The following ZNF425 variants were observed in gnomAD, a reference collection of about 807,000 sequenced individuals.
ZNF425 encodes the protein zinc finger protein 425.
A neutral mutation model predicts 17.0 loss-of-function variants in ZNF425; 21 were observed. The ratio of observed to expected loss-of-function variants is 1.23; its 90% CI spans 0.88 to 1.78. The LOEUF (loss-of-function observed/expected upper bound fraction) is 1.78, where lower values mean the gene tolerates loss of function less well. Among genes scored for constraint, ZNF425 ranks in the 40% most tolerant of loss-of-function variants. The pLI, the probability that ZNF425 is intolerant of heterozygous loss-of-function variation, is 0.00. For missense variants in ZNF425, 868 were observed against 967.3 expected (o/e 0.90, Z 1.36); for synonymous variants, 433 against 384.1 (o/e 1.13, Z -1.49).
chr7:149,109,359 G>A (rs545912593), intron 3 of ZNF425, among the ~76,000 whole-genome samples: 2 of 152,136 alleles, frequency 1.3e-5, no homozygotes, highest in Non-Finnish European at 2.9e-5. Context: ...TTACAGGCAT[G>A]AGCCACGGCA....
chr7:149,108,576 AGTT>A (rs1826120523), intron 3 of ZNF425, among the ~76,000 whole-genome samples: 1 of 152,152 alleles, frequency 6.6e-6, no homozygotes, highest in Admixed American at 6.6e-5. Context: ...TAGCTACCAA[AGTT>A]GTTAACTCTT....
chr7:149,125,640 T>C (rs571725624), intron 1 of ZNF425: 2 of 166,352 alleles, frequency 1.2e-5, no homozygotes, highest in Admixed American at 6.2e-5. Context: ...GAGAAACAGA[T>C]CTTTCCCACC....
chr7:149,119,845 G>T (rs1826324568), intron 1 of ZNF425, among the ~76,000 whole-genome samples: 1 of 152,022 alleles, frequency 6.6e-6, no homozygotes, highest in South Asian at 2.1e-4. Context: ...TATTTACATA[G>T]CGTTTATATT....
At chr7:149,111,755 C>G (rs991283135) in intron 3 of ZNF425, among the ~76,000 whole-genome samples, 1 of 151,720 alleles carries the variant, frequency 6.6e-6, no homozygotes, top group Non-Finnish European at 1.5e-5. Flanking sequence ...CATTGGCTCA[C>G]CACAACCTCC....
Position 149,112,178 on chromosome 7 carries a change from T to C in ZNF425, c.263A>G (p.Glu88Gly). 1 of 1,614,172 alleles carries C rather than the reference T, an allele frequency of 6.2e-7. No individual in the cohort carries two copies. The highest frequency in any genetic ancestry group is 8.5e-7 in the Non-Finnish European group (1 of 1,180,012). Residue 88 changes from glutamate (E) to glycine (G), a missense_variant, in exon 3 of 4, where the codon GAA becomes GGA. Physicochemically the swap from Glu to Gly is moderately conservative, Grantham distance 98 (BLOSUM62 -2). Coordinates refer to ENST00000378061, the MANE Select transcript of ZNF425 (RefSeq NM_001001661.3). ...TRRTTSPPTD[E>G]QLNMKNTGKL... ...TCCAGTATTCTTCATGTTCAACTGT[T>C]CATCAGTAGGAGGGCTAGTTGTCCT...
At chr7:149,117,034 G>A (rs1402236620) in intron 2 of ZNF425, among the ~76,000 whole-genome samples, 1 of 152,046 alleles carries the variant, frequency 6.6e-6, no homozygotes, top group African/African-American at 2.4e-5. Context: ...AGGCTGAGGT[G>A]AGCAGATCAC....
chr7:149,118,249 T>G lies in ZNF425; in HGVS notation c.118A>C (p.Thr40Pro). Residue 40 changes from threonine to proline, a missense_variant, in exon 2 of 4, where the codon ACC becomes CCC. This residue lies in a region of ZNF425 where 179 missense variants were observed against 216.3 expected (regional missense o/e 0.83). Transcript: ENST00000378061. ...AGGGAATCAAGGGTCTCGTAATTGG[T>G]CTTCATCTCTTGCTTATACATTTGC... ...QKQMYKQEMKTNYETLDSLGY... is the reference protein window; with the variant it reads ...QKQMYKQEMKPNYETLDSLGY... The G allele has an allele frequency of 1.2e-6, 2 of 1,614,104 alleles. No homozygotes were observed. Among genetic ancestry groups the G allele is most frequent in the Non-Finnish European group, 1.7e-6 (2 of 1,180,038 alleles).
chr7:149,112,540 C>T (rs1052006640), intron 2 of ZNF425: 4 of 360,096 alleles, frequency 1.1e-5, no homozygotes, highest in Non-Finnish European at 2.0e-5. Context: ...GGCTGAAGTG[C>T]GAGAATCACT....
At chr7:149,120,073 C>T (rs1422014990) in intron 1 of ZNF425, among the ~76,000 whole-genome samples, 9 of 152,126 alleles carry the variant, frequency 5.9e-5, no homozygotes, top group African/African-American at 1.2e-4. Context: ...ATCACAACCA[C>T]GAATCTATTA....
In ZNF425 at chr7:149,118,244, A is replaced by C; in HGVS notation, c.123T>G (p.Asn41Lys). The change falls in exon 2 of 4, where the codon AAT (asparagine) becomes AAG (lysine). Residue 41 changes from asparagine (N) to lysine (K), a missense_variant. Around this residue, in one of 5 missense-constraint regions of ZNF425, gnomAD observed 179 missense variants for 216.3 expected, o/e 0.83. Coordinates refer to ENST00000378061, the MANE Select transcript of ZNF425 (RefSeq NM_001001661.3). Reference sequence around the variant, plus strand: ...TACCCAGGGAATCAAGGGTCTCGTAATTGGTCTTCATCTCTTGCTTATACA... The same window carrying C: ...TACCCAGGGAATCAAGGGTCTCGTACTTGGTCTTCATCTCTTGCTTATACA... ...KQMYKQEMKT[N>K]YETLDSLGYA... The C allele has an allele frequency of 6.2e-7, 1 of 1,614,078 alleles. No individual in the cohort carries two copies. The highest frequency in any genetic ancestry group is 8.5e-7 in the Non-Finnish European group (1 of 1,180,020).
Position 149,126,306 on chromosome 7 carries a change from G to A in ZNF425, c.-93C>T, listed in dbSNP as rs372295060. 35 of 1,504,126 alleles carry A rather than the reference G, an allele frequency of 2.3e-5. No homozygotes were observed. The South Asian group carries it at 3.8e-4, about 16-fold the overall frequency. 93.2% of individuals were successfully genotyped at this position (1,504,126 alleles called of 1,614,324 possible). ...AGGTACAGCCCTGCTGGCCCCCAAA[G>A]GCAGAGCCGGCCGGGCGCGGTGCAT... On this transcript the variant is annotated 5_prime_UTR_variant, in exon 1 of 4. Transcript: ENST00000378061.
intron 1 of ZNF425, among the ~76,000 whole-genome samples, chr7:149,121,871 G>A (rs1826360318): frequency 1.3e-5 from 2 of 152,068 alleles, no homozygotes; most frequent in African/African-American, 4.8e-5. Flanking sequence ...TTTTTCCCAT[G>A]AAAATATTCT....
chr7:149,114,798 AG>A (rs1187742685), intron 2 of ZNF425, among the ~76,000 whole-genome samples: 1 of 150,580 alleles, frequency 6.6e-6, no homozygotes, highest in Non-Finnish European at 1.5e-5. Flanking sequence ...AAAAAAAAAA[AG>A]AAAAGAAAAG....
At chr7:149,112,411 A>G (rs1473410229) in intron 2 of ZNF425, 116 bp from the exon 3 acceptor site, 3 of 832,824 alleles carry the variant, frequency 3.6e-6, no homozygotes, top group Non-Finnish European at 1.9e-6. Flanking sequence ...AGGCAGGCAG[A>G]TCTCTTGAGG....
At chr7:149,112,816 G>A (rs185507273) in intron 2 of ZNF425, among the ~76,000 whole-genome samples, 102 of 151,608 alleles carry the variant, frequency 6.7e-4, no homozygotes, top group African/African-American at 2.2e-3. Flanking sequence ...ATAGGCATGC[G>A]CCACCATGCC....
At chr7:149,125,873 G>T (rs1465903258) in intron 1 of ZNF425, 1 of 511,154 alleles carries the variant, frequency 2.0e-6, no homozygotes. Flanking sequence ...GAACTCAGAG[G>T]CACCGCGCGA....
intron 2 of ZNF425, among the ~76,000 whole-genome samples, chr7:149,117,252 A>G (rs1826280365): frequency 6.6e-6 from 1 of 150,556 alleles, no homozygotes; most frequent in Non-Finnish European, 1.5e-5. Context: ...CTCCGTCTCA[A>G]AAAAAAAAAA....
At chr7:149,114,931 CTTTTTT>C (rs35954198) in intron 2 of ZNF425, among the ~76,000 whole-genome samples, 3 of 101,026 alleles carry the variant, frequency 3.0e-5, no homozygotes, top group East Asian at 2.5e-4. Flanking sequence ...TCTTTCTTTT[CTTTTTT>C]TTTTTTTTTT....
chr7:149,117,642 C>CTTTTTTTTTTTTTTTTTTTTTT lies in ZNF425; in HGVS notation c.145+558_145+579dup, dbSNP rs869026303. Among the ~76,000 whole-genome samples the CTTTTTTTTTTTTTTTTTTTTTT allele has an allele frequency of 3.6e-5, 2 of 54,958 alleles. 1 individual carries two copies. The highest frequency in any genetic ancestry group is 1.5e-4 in the African/African-American group (2 of 13,100). 36.1% of individuals were successfully genotyped at this position (54,958 alleles called of 152,430 possible). A position where few individuals can be genotyped will look rare whatever the true frequency, so the allele number is the denominator to read the frequency against. On this transcript the variant is annotated intron_variant, in intron 2 of 3. Coordinates refer to ENST00000378061, the MANE Select transcript of ZNF425 (RefSeq NM_001001661.3). ...GGGGCAATTAGATTACTTAGTAATT[C>CTTTTTTTTTTTTTTTTTTTTTT]TTTTTTTTTTTTTTTTTTTTTTTTT...
Sources: allele counts gnomAD v4.1 joint callset (sites outside exome capture counted in the v4.1 genomes callset), GRCh38; gene constraint gnomAD v4.1.1; regional missense constraint gnomAD v4.1.1; transcripts MANE v1.5; gene names NCBI Gene and HGNC (gene_info 2026-07-23, HGNC 2026-07-21).